Variants in SPATA16 observed in about 807,000 individuals in gnomAD.
The protein encoded by SPATA16 is spermatogenesis-associated protein 16.
Under a neutral mutation model 63.3 loss-of-function variants are expected in SPATA16, and 36 were observed. The ratio of observed to expected loss-of-function variants is 0.57; its 90% confidence interval spans 0.44 to 0.75. The LOEUF (loss-of-function observed/expected upper bound fraction) is 0.75. SPATA16 is among the 30% of genes least tolerant of loss of function. The probability of loss-of-function intolerance (pLI) is 0.00; values close to 1 mark genes in which losing one functional copy is unlikely to be tolerated. For synonymous variants in SPATA16, 203 were observed against 216.7 expected (o/e 0.94, Z 0.56); for missense variants, 646 against 679.3 (o/e 0.95, Z 0.54).
At chr3:172,915,173 A>C (rs536207186) in intron 9 of SPATA16, among the ~76,000 whole-genome samples, 3 of 152,082 alleles carry the variant, frequency 2.0e-5, no homozygotes, top group Non-Finnish European at 4.4e-5. Flanking sequence ...ACAACCATAA[A>C]GTTTAGAAAG....
chr3:173,051,303 A>C (rs1044779867), intron 2 of SPATA16, among the ~76,000 whole-genome samples: 1 of 152,150 alleles, frequency 6.6e-6, no homozygotes, highest in Non-Finnish European at 1.5e-5. Flanking sequence ...CCCGGGTTCA[A>C]GCGATTCTCC....
chr3:173,094,213 C>A (rs1737295168), intron 2 of SPATA16, among the ~76,000 whole-genome samples: 1 of 152,082 alleles, frequency 6.6e-6, no homozygotes, highest in South Asian at 2.1e-4. Context: ...GTTCTGCATT[C>A]TTTTCTGTAT....
At chr3:172,934,579 T>C (rs1400523165) in intron 6 of SPATA16, among the ~76,000 whole-genome samples, 2 of 152,182 alleles carry the variant, frequency 1.3e-5, no homozygotes, top group Non-Finnish European at 2.9e-5. Flanking sequence ...TTGCTTTTTG[T>C]TGAAATTGGT....
At chr3:173,114,633 C>T (rs1737845172) in intron 2 of SPATA16, among the ~76,000 whole-genome samples, 1 of 152,184 alleles carries the variant, frequency 6.6e-6, no homozygotes, top group African/African-American at 2.4e-5. Flanking sequence ...CCTTCAGACA[C>T]TTATTTTGCA....
At chr3:172,981,219 A>G (rs1304180519) in intron 4 of SPATA16, among the ~76,000 whole-genome samples, 2 of 151,664 alleles carry the variant, frequency 1.3e-5, no homozygotes, top group Non-Finnish European at 2.9e-5. Flanking sequence ...CTGGTCCATA[A>G]TCTCTCACCT....
chr3:172,916,231 A>AT (rs201062286), intron 9 of SPATA16, 86 bp downstream of exon 9: 20,381 of 1,094,332 alleles, frequency 0.019, 2 homozygotes, highest in Non-Finnish European at 0.02. Flanking sequence ...TTACCACAGG[A>AT]TTTTTTTTTT....
rs571205375 is a variant in SPATA16 at position 172,954,662 on chromosome 3, C to G, written c.1081+2015G>C. ...CTCTTCCCATGCTGTATGCCCTCAG[C>G]CACCTTGGAATTGCCTGGGGGAAAA... On this transcript the variant is annotated intron_variant, in intron 6 of 10. Coordinates refer to ENST00000351008, the MANE Select transcript of SPATA16 (RefSeq NM_031955.6). 1.3e-4 allele frequency among the ~76,000 whole-genome samples: 20 copies of G among 152,290 alleles called. No homozygotes were observed. In the South Asian group the frequency reaches 4.2e-3, roughly 32 times the overall value.
At chr3:173,036,255 A>T (rs1735713029) in intron 3 of SPATA16, among the ~76,000 whole-genome samples, 1 of 152,076 alleles carries the variant, frequency 6.6e-6, no homozygotes, top group Admixed American at 6.6e-5. Flanking sequence ...ACTTAAAGGA[A>T]CACAACTGAC....
intron 2 of SPATA16, among the ~76,000 whole-genome samples, chr3:173,083,985 T>C (rs1736984768): frequency 6.6e-6 from 1 of 151,950 alleles, no homozygotes; most frequent in South Asian, 2.1e-4. Flanking sequence ...AACCTAAATA[T>C]GCATGCATGT....
At chr3:172,912,415 T>A (rs896333533) in intron 10 of SPATA16, among the ~76,000 whole-genome samples, 1 of 152,208 alleles carries the variant, frequency 6.6e-6, no homozygotes, top group Non-Finnish European at 1.5e-5. Flanking sequence ...ATGGTAGATA[T>A]GTATTCAACA....
chr3:172,954,093 A>G (rs1174991633), intron 6 of SPATA16, among the ~76,000 whole-genome samples: 2 of 152,230 alleles, frequency 1.3e-5, no homozygotes, highest in African/African-American at 4.8e-5. Context: ...TACAAGGCTG[A>G]TAATAGGAAG....
At chr3:173,099,900 T>C (rs1335428167) in intron 2 of SPATA16, among the ~76,000 whole-genome samples, 1 of 152,208 alleles carries the variant, frequency 6.6e-6, no homozygotes, top group Non-Finnish European at 1.5e-5. Flanking sequence ...TTTTAATCTT[T>C]TCATATTTCT....
intron 3 of SPATA16, among the ~76,000 whole-genome samples, chr3:173,023,682 C>G (rs541872398): frequency 1.3e-5 from 2 of 151,502 alleles, no homozygotes; most frequent in African/African-American, 2.4e-5. Context: ...TCTTTTGTGT[C>G]TCCCAGTAAT....
intron 6 of SPATA16, among the ~76,000 whole-genome samples, chr3:172,940,582 A>G (rs1733121150): frequency 6.6e-6 from 1 of 152,252 alleles, no homozygotes; most frequent in African/African-American, 2.4e-5. Flanking sequence ...GCCTTGAAAA[A>G]GATTTTAAAC....
At chr3:173,101,566 ATTTACTAAGAC>A (rs953962168) in intron 2 of SPATA16, among the ~76,000 whole-genome samples, 2 of 151,888 alleles carry the variant, frequency 1.3e-5, no homozygotes, top group African/African-American at 2.4e-5. Context: ...ATTTTCCCTC[ATTTACTAAGAC>A]TTGACACCTG....
chr3:173,025,988 AACTC>A (rs1402880759), intron 3 of SPATA16, among the ~76,000 whole-genome samples: 1 of 151,996 alleles, frequency 6.6e-6, no homozygotes, highest in Non-Finnish European at 1.5e-5. Flanking sequence ...CTTTGTGAGA[AACTC>A]CTAAACGTCT....
intron 5 of SPATA16, among the ~76,000 whole-genome samples, chr3:172,973,673 G>A (rs1734093582): frequency 6.6e-6 from 1 of 152,190 alleles, no homozygotes; most frequent in Non-Finnish European, 1.5e-5. Flanking sequence ...CCTGGATGTA[G>A]TAAGGAGCAG....
intron 4 of SPATA16, among the ~76,000 whole-genome samples, chr3:172,978,072 TA>T (rs931972813): frequency 4.6e-5 from 7 of 151,942 alleles, no homozygotes; most frequent in African/African-American, 1.5e-4. Flanking sequence ...ATTAGGACTC[TA>T]AAAAATCAAT....
chr3:172,963,407 T>A (rs1002617305), intron 5 of SPATA16, among the ~76,000 whole-genome samples: 3 of 151,994 alleles, frequency 2.0e-5, no homozygotes, highest in Admixed American at 2.0e-4. Flanking sequence ...CTTTTTTGAA[T>A]TCTGTACTTT....
Sources: allele counts gnomAD v4.1 joint callset (sites outside exome capture counted in the v4.1 genomes callset), GRCh38; gene constraint gnomAD v4.1.1; transcripts MANE v1.5; gene names NCBI Gene and HGNC (gene_info 2026-07-23, HGNC 2026-07-21).